The following NAPEPLD variants were observed in gnomAD, a reference collection of about 807,000 sequenced individuals.
NAPEPLD encodes N-acyl phosphatidylethanolamine phospholipase D.
Under a neutral mutation model 38.1 loss-of-function variants are expected in NAPEPLD, and 23 were observed. That is an observed-to-expected ratio of 0.60 (90% confidence interval 0.43 to 0.86). The LOEUF (loss-of-function observed/expected upper bound fraction) is 0.86. Among genes scored for constraint, NAPEPLD ranks in the 40% least tolerant of loss-of-function variants. The pLI is 0.00. For synonymous variants in NAPEPLD, 147 were observed against 162.0 expected, an observed-to-expected ratio of 0.91 and a Z score of 0.71; for missense variants, 411 against 476.8, an observed-to-expected ratio of 0.86 and a Z score of 1.28.
At position 103,119,701 on chromosome 7, in the gene NAPEPLD, A is replaced by G. The variant is rs1426184472; in HGVS notation, c.817T>C (p.Leu273=). ...AAAAAAAATCGATTCCAAGGCCCCA[A>G]GACAGACCAGCTGCCCCATAGCACC... ...NKVLWGSWSV[L]GPWNRFFFAG... Residue 273 remains leucine, a synonymous_variant, in exon 3 of 5, where the codon TTG becomes CTG. Coordinates refer to ENST00000465647, the MANE Select transcript of NAPEPLD (RefSeq NM_001122838.3). 6.2e-7 allele frequency: 1 copy of G among 1,614,088 alleles called. No individual in the cohort carries two copies.
At chr7:103,142,841 C>G (rs1013480099) in intron 1 of NAPEPLD, among the ~76,000 whole-genome samples, 1 of 152,112 alleles carries the variant, frequency 6.6e-6, no homozygotes, top group African/African-American at 2.4e-5. Flanking sequence ...AAAAGATCTC[C>G]TGCTAGGAGT....
At chr7:103,116,209 G>A (rs924381229) in intron 3 of NAPEPLD, among the ~76,000 whole-genome samples, 2 of 151,988 alleles carry the variant, frequency 1.3e-5, no homozygotes, top group Non-Finnish European at 2.9e-5. Flanking sequence ...CTATAGGCAC[G>A]TACCACCTCT....
At chr7:103,134,792 C>T (rs1809697345) in intron 1 of NAPEPLD, among the ~76,000 whole-genome samples, 3 of 152,284 alleles carry the variant, frequency 2.0e-5, no homozygotes, top group African/African-American at 7.2e-5. Context: ...AGCAAAAGGA[C>T]TTATCCCTGT....
At chr7:103,129,790 G>A (rs1234913432) in intron 1 of NAPEPLD, among the ~76,000 whole-genome samples, 1 of 152,124 alleles carries the variant, frequency 6.6e-6, no homozygotes, top group Admixed American at 6.6e-5. Flanking sequence ...CTATAAAATG[G>A]AGAGAACGTT....
At chr7:103,111,927 T>C (rs1804608510) in intron 4 of NAPEPLD, among the ~76,000 whole-genome samples, 2 of 151,040 alleles carry the variant, frequency 1.3e-5, no homozygotes, top group South Asian at 4.2e-4. Context: ...AACAACCCCA[T>C]CAAAAAGTGG....
At chr7:103,115,666 C>T (rs1805417916) in intron 3 of NAPEPLD, among the ~76,000 whole-genome samples, 1 of 152,134 alleles carries the variant, frequency 6.6e-6, no homozygotes, top group African/African-American at 2.4e-5. Context: ...AAATATAATT[C>T]AACGGCAAGC....
chr7:103,143,041 T>C (rs537593824), intron 1 of NAPEPLD, among the ~76,000 whole-genome samples: 3 of 147,476 alleles, frequency 2.0e-5, no homozygotes, highest in Admixed American at 6.8e-5. Context: ...CTGGGCAACA[T>C]AGTGAGACTC....
At chr7:103,135,469 A>G (rs558719893) in intron 1 of NAPEPLD, among the ~76,000 whole-genome samples, 3 of 152,342 alleles carry the variant, frequency 2.0e-5, no homozygotes, top group African/African-American at 7.2e-5. Context: ...CACAGGAAGT[A>G]CACTGGATAA....
intron 3 of NAPEPLD, among the ~76,000 whole-genome samples, chr7:103,119,340 A>C (rs1221839029): frequency 2.0e-5 from 3 of 152,220 alleles, no homozygotes; most frequent in South Asian, 2.1e-4. Flanking sequence ...TACATATATC[A>C]AAACATCATG....
At chr7:103,132,740 A>G (rs1353671243) in intron 1 of NAPEPLD, among the ~76,000 whole-genome samples, 3 of 152,210 alleles carry the variant, frequency 2.0e-5, no homozygotes, top group African/African-American at 7.2e-5. Context: ...AGCTGTTATC[A>G]TGCCACTGCA....
intron 1 of NAPEPLD, among the ~76,000 whole-genome samples, chr7:103,143,261 G>A (rs1029355547): frequency 6.6e-6 from 1 of 151,834 alleles, no homozygotes; most frequent in South Asian, 2.1e-4. Flanking sequence ...AATAAAAATA[G>A]AAAAGTCTTG....
At chr7:103,140,505 G>C (rs547902703) in intron 1 of NAPEPLD, among the ~76,000 whole-genome samples, 1 of 145,122 alleles carries the variant, frequency 6.9e-6, no homozygotes, top group African/African-American at 2.5e-5. Flanking sequence ...TCATTCTCCT[G>C]CCTCAGCCTC....
rs1245941652 is a variant in NAPEPLD at position 103,103,346 on chromosome 7, T to C, written c.*83A>G. On this transcript the variant is annotated 3_prime_UTR_variant, in exon 5 of 5. Transcript: ENST00000465647. ...GTTTCCAAATGTAAAATAATCACAA[T>C]ATTCATGAATTTCTAAGTCTTTTCA... 2 of 1,397,606 alleles carry C rather than the reference T, an allele frequency of 1.4e-6. No individual in the cohort carries two copies. The highest frequency in any genetic ancestry group is 1.5e-5 in the African/African-American group (1 of 68,364). 86.6% of individuals were successfully genotyped at this position (1,397,606 alleles called of 1,614,324 possible). A position where few individuals can be genotyped will look rare whatever the true frequency, so the allele number is the denominator to read the frequency against.
In NAPEPLD at chr7:103,101,507, A is replaced by T. The variant is rs1802393375; in HGVS notation, c.*1922T>A. ...CTTAAATTTGCAACAGGAACAATAC[A>T]TTATCAAAAGCATTAACCTGTATTT... On this transcript the variant is annotated 3_prime_UTR_variant, in exon 5 of 5. Transcript: ENST00000465647. 6.5e-6 allele frequency: 1 copy of T among 152,750 alleles called. No individual in the cohort carries two copies. The highest frequency in any genetic ancestry group is 1.5e-5 in the Non-Finnish European group (1 of 68,030). 9.5% of individuals were successfully genotyped at this position (152,750 alleles called of 1,614,324 possible). A position where few individuals can be genotyped will look rare whatever the true frequency, so the allele number is the denominator to read the frequency against.
At chr7:103,141,930 G>T in intron 1 of NAPEPLD, 1 of 964,924 alleles carries the variant, frequency 1.0e-6, no homozygotes, top group Non-Finnish European at 1.7e-6. Context: ...TGAAGCCTGA[G>T]CATACTCAAG....
At chr7:103,132,999 CT>C (rs1188390008) in intron 1 of NAPEPLD, among the ~76,000 whole-genome samples, 1 of 152,270 alleles carries the variant, frequency 6.6e-6, no homozygotes, top group Admixed American at 6.5e-5. Flanking sequence ...ACCCCCTCCC[CT>C]AACACACACA....
rs142933468 is a variant in NAPEPLD, at chr7:103,123,573, A to G, written c.295-3350T>C. Among the ~76,000 whole-genome samples, 291 of 152,318 alleles carry G rather than the reference A, an allele frequency of 1.9e-3. 5 individuals are homozygous for G. In the East Asian group the frequency reaches 0.04, roughly 21 times the overall value. The stretch of plus-strand genomic sequence containing the variant: ...GTACTTTAGCATAACACAAAACAAA[A>G]TACTATTAACAACAGCTACCATTTA... On this transcript the variant is annotated intron_variant, in intron 2 of 4. Coordinates refer to ENST00000465647, the MANE Select transcript of NAPEPLD (RefSeq NM_001122838.3).
intron 4 of NAPEPLD, among the ~76,000 whole-genome samples, chr7:103,104,983 G>C (rs1803013732): frequency 6.6e-6 from 1 of 152,202 alleles, no homozygotes; most frequent in Non-Finnish European, 1.5e-5. Context: ...AGTGTGGAGG[G>C]CGATGTTTGC....
At chr7:103,118,005 A>G (rs1158736484) in intron 3 of NAPEPLD, among the ~76,000 whole-genome samples, 1 of 152,202 alleles carries the variant, frequency 6.6e-6, no homozygotes, top group Admixed American at 6.5e-5. Flanking sequence ...CAACATGGTG[A>G]AACCCTGTCT....
Sources: allele counts gnomAD v4.1 joint callset (sites outside exome capture counted in the v4.1 genomes callset), GRCh38; gene constraint gnomAD v4.1.1; transcripts MANE v1.5; gene names NCBI Gene and HGNC (gene_info 2026-07-23, HGNC 2026-07-21).